The following C8orf34 variants were observed in gnomAD, a reference collection of about 807,000 sequenced individuals.
C8orf34 encodes uncharacterized protein C8orf34.
Under a neutral mutation model 68.3 loss-of-function variants are expected in C8orf34, and 65 were observed. That is an observed-to-expected ratio of 0.95 (90% CI 0.78 to 1.17). The LOEUF is 1.17. C8orf34 is among the 50% of genes most tolerant of loss of function. The pLI is 0.00. For synonymous variants in C8orf34, 244 were observed against 241.2 expected, an observed-to-expected ratio of 1.01 and a Z score of -0.11; for missense variants, 664 against 655.4, an observed-to-expected ratio of 1.01 and a Z score of -0.14.
In C8orf34 at chr8:68,616,338, G is replaced by T. The variant is rs567706064; in HGVS notation, c.1106-24038G>T. On this transcript the variant is annotated intron_variant, in intron 7 of 13. Transcript: ENST00000518698. ...TATTTCTTGCCTTCTGCTAGCTTTTGAATGTGTTTGCTCTTGCTTTTCTAG... is the reference window on the plus strand; with the variant it reads ...TATTTCTTGCCTTCTGCTAGCTTTTTAATGTGTTTGCTCTTGCTTTTCTAG... 1.2e-3 allele frequency among the ~76,000 whole-genome samples: 182 copies of T among 152,198 alleles called. 6 individuals carry two copies. In the South Asian group the frequency reaches 0.036, roughly 30 times the overall value.
At position 68,668,082 on chromosome 8, in the gene C8orf34, A is replaced by G. The variant is rs192099141; in HGVS notation, c.1241+27571A>G. Among the ~76,000 whole-genome samples the G allele has an allele frequency of 1.9e-3, 293 of 152,298 alleles. 2 individuals carry two copies. Among genetic ancestry groups the G allele is most frequent in the Non-Finnish European group, 3.8e-3 (260 of 68,012 alleles). ...TTCTAGAAAATAATATAGATATTAA[A>G]TAATCAAGAAAAATCCTTTTGAAAG... On this transcript the variant is annotated intron_variant, in intron 8 of 13. Transcript: ENST00000518698.
intron 11 of C8orf34, among the ~76,000 whole-genome samples, chr8:68,784,812 G>GTGTA (rs1353474928): frequency 7.6e-4 from 115 of 151,838 alleles, no homozygotes; most frequent in African/African-American, 2.6e-3. Context: ...ATGTGTGTGT[G>GTGTA]TGTGTGTGTG....
chr8:68,440,897 T>A (rs181179354), intron 2 of C8orf34, among the ~76,000 whole-genome samples: 1 of 151,514 alleles, frequency 6.6e-6, no homozygotes, highest in Non-Finnish European at 1.5e-5. Flanking sequence ...CTCCGCTTCC[T>A]GGGTTCACGC....
chr8:68,519,044 A>C (rs1814639840), intron 5 of C8orf34, among the ~76,000 whole-genome samples: 1 of 152,292 alleles, frequency 6.6e-6, no homozygotes, highest in African/African-American at 2.4e-5. Flanking sequence ...AAAATGAAAA[A>C]TTTATTGTAA....
At chr8:68,501,344 C>T (rs1348547884) in intron 5 of C8orf34, among the ~76,000 whole-genome samples, 1 of 152,158 alleles carries the variant, frequency 6.6e-6, no homozygotes, top group African/African-American at 2.4e-5. Flanking sequence ...CTGAGAGGTT[C>T]AACTCTGCAC....
chr8:68,652,549 A>AT (rs1819392873), intron 8 of C8orf34, among the ~76,000 whole-genome samples: 1 of 152,156 alleles, frequency 6.6e-6, no homozygotes, highest in African/African-American at 2.4e-5. Context: ...TTTACCACTT[A>AT]TATTCAGTTC....
intron 2 of C8orf34, among the ~76,000 whole-genome samples, chr8:68,443,182 C>T (rs909847527): frequency 3.3e-5 from 5 of 151,654 alleles, no homozygotes; most frequent in Admixed American, 2.0e-4. Context: ...AGACATGAAA[C>T]GGGATATTTG....
rs910436161 is a variant in C8orf34 at position 68,533,067 on chromosome 8, T to C, written c.1023T>C (p.Asp341=). 3 of 1,612,968 alleles carry C rather than the reference T, an allele frequency of 1.9e-6. No individual in the cohort carries two copies. The highest frequency in any genetic ancestry group is 2.7e-5 in the African/African-American group (2 of 74,894). ...KKLLAAMLSQ[D]SFESIHSPTP... Reference sequence around the variant, plus strand: ...TCCTGGCCGCAATGCTCTCTCAAGATTCTTTTGAGTCCATCCACAGCCCTA... The same window carrying C: ...TCCTGGCCGCAATGCTCTCTCAAGACTCTTTTGAGTCCATCCACAGCCCTA... The change falls in exon 7 of 14, where the codon GAT becomes GAC. Residue 341 remains aspartate (D), a synonymous_variant. Transcript: ENST00000518698.
intron 7 of C8orf34, among the ~76,000 whole-genome samples, chr8:68,564,511 C>T (rs1206095003): frequency 1.3e-5 from 2 of 152,180 alleles, no homozygotes; most frequent in Non-Finnish European, 2.9e-5. Flanking sequence ...GCATAAACTT[C>T]TTTGCTCCTG....
chr8:68,607,672 T>C (rs770180809), intron 7 of C8orf34, among the ~76,000 whole-genome samples: 6 of 152,134 alleles, frequency 3.9e-5, no homozygotes, highest in Non-Finnish European at 7.4e-5. Context: ...AATCCAGATT[T>C]ATTGTAAAGT....
chr8:68,715,007 CA>C (rs1305702814), intron 9 of C8orf34, among the ~76,000 whole-genome samples: 1 of 152,122 alleles, frequency 6.6e-6, no homozygotes, highest in East Asian at 1.9e-4. Flanking sequence ...ACAAAGCAAA[CA>C]AAAACATAAA....
chr8:68,385,365 G>T (rs766895774), intron 1 of C8orf34, among the ~76,000 whole-genome samples: 49 of 152,160 alleles, frequency 3.2e-4, no homozygotes, highest in Non-Finnish European at 6.9e-4. Context: ...TACTTGCCAA[G>T]CTGACAGATG....
intron 1 of C8orf34, among the ~76,000 whole-genome samples, chr8:68,340,839 T>A (rs1806040022): frequency 6.6e-6 from 1 of 151,980 alleles, no homozygotes; most frequent in African/African-American, 2.4e-5. Flanking sequence ...ACAAAAACTG[T>A]ACAAAAAAGG....
At chr8:68,483,142 T>TGGC (rs1483278477) in intron 4 of C8orf34, among the ~76,000 whole-genome samples, 2 of 152,224 alleles carry the variant, frequency 1.3e-5, no homozygotes, top group Non-Finnish European at 2.9e-5. Context: ...TCTAACTCTG[T>TGGC]GGCTGAGCAG....
intron 3 of C8orf34, among the ~76,000 whole-genome samples, chr8:68,461,773 C>G (rs994703062): frequency 1.3e-5 from 2 of 152,146 alleles, no homozygotes; most frequent in East Asian, 3.9e-4. Context: ...GCCTGCCCTA[C>G]AAGAGCTCCT....
chr8:68,389,086 C>T (rs928206631), intron 1 of C8orf34, among the ~76,000 whole-genome samples: 2 of 152,140 alleles, frequency 1.3e-5, no homozygotes, highest in African/African-American at 4.8e-5. Flanking sequence ...TAGGGTCTGG[C>T]ATTCGTATTT....
chr8:68,458,405 C>T (rs1175588700), intron 3 of C8orf34, among the ~76,000 whole-genome samples: 1 of 151,922 alleles, frequency 6.6e-6, no homozygotes, highest in Non-Finnish European at 1.5e-5. Flanking sequence ...ATGATGGGAA[C>T]CTAGGCTGTG....
rs757415992 is a variant in C8orf34 at position 68,521,787 on chromosome 8, T to C, written c.766-12T>C. The C allele has an allele frequency of 6.2e-7, 1 of 1,606,768 alleles. No individual in the cohort carries two copies. Among genetic ancestry groups the C allele is most frequent in the South Asian group, 1.1e-5 (1 of 89,994 alleles). On this transcript the variant is annotated splice_polypyrimidine_tract_variant and intron_variant, in intron 5 of 13. Coordinates refer to ENST00000518698, the MANE Select transcript of C8orf34 (RefSeq NM_052958.4). ...AGCCATCTAAGACAGCATATTCTTT[T>C]CTTCTCTTCAGGAAACAGTGACATT...
chr8:68,364,972 G>T (rs1056533778), intron 1 of C8orf34, among the ~76,000 whole-genome samples: 2 of 150,430 alleles, frequency 1.3e-5, no homozygotes, highest in Non-Finnish European at 3.0e-5. Flanking sequence ...TTTTTTGAAA[G>T]GATCAACAAA....
Sources: allele counts gnomAD v4.1 joint callset (sites outside exome capture counted in the v4.1 genomes callset), GRCh38; gene constraint gnomAD v4.1.1; transcripts MANE v1.5; gene names NCBI Gene and HGNC (gene_info 2026-07-23, HGNC 2026-07-21).